Variants in CTNNA3 observed in about 807,000 individuals in gnomAD.
The protein encoded by CTNNA3 is catenin alpha-3.
In CTNNA3, 76 loss-of-function variants were observed where a neutral mutation model predicts 95.7. The ratio of observed to expected loss-of-function variants is 0.79; its 90% CI spans 0.66 to 0.96. The LOEUF is 0.96. Among genes scored for constraint, CTNNA3 ranks in the 40% least tolerant of loss-of-function variants. The pLI, the probability that CTNNA3 is intolerant of heterozygous loss-of-function variation, is 0.00. For synonymous variants in CTNNA3, 431 were observed against 374.4 expected, an observed-to-expected ratio of 1.15 and a Z score of -1.74; for missense variants, 1,191 against 1,089.8, an observed-to-expected ratio of 1.09 and a Z score of -1.31.
In CTNNA3 at chr10:66,472,248, G is replaced by A. The variant is rs562085670; in HGVS notation, c.1531+48369C>T. ...AGATTTTTTTTTTTAGGAGAGAAAA[G>A]TGTGATTTACACAGGAAGAGCCATT... On this transcript the variant is annotated intron_variant, in intron 11 of 17. Transcript: ENST00000433211. Among the ~76,000 whole-genome samples, 8 of 151,940 alleles carry A rather than the reference G, an allele frequency of 5.3e-5. No homozygotes were observed. The East Asian group carries it at 1.6e-3, about 29-fold the overall frequency.
intron 13 of CTNNA3, among the ~76,000 whole-genome samples, chr10:66,165,989 AAC>A (rs2085106723): frequency 6.6e-6 from 1 of 151,812 alleles, no homozygotes; most frequent in Non-Finnish European, 1.5e-5. Flanking sequence ...CTTGGTCTTG[AAC>A]TCCTGACCTT....
chr10:66,539,606 T>C (rs938439650), intron 10 of CTNNA3, among the ~76,000 whole-genome samples: 1 of 152,132 alleles, frequency 6.6e-6, no homozygotes, highest in African/African-American at 2.4e-5. Context: ...ATAGGGACAG[T>C]CCTTTTAGAT....
chr10:67,074,373 C>T lies in CTNNA3; in HGVS notation c.1047+105944G>A, dbSNP rs577460628. Among the ~76,000 whole-genome samples, 18 of 88,934 alleles carry T rather than the reference C, an allele frequency of 2.0e-4. No individual in the cohort carries two copies. In the Admixed American group the frequency reaches 2.1e-3, roughly 11 times the overall value. The allele number at this position is 88,934 out of a possible 152,430, so 58.3% of individuals were successfully genotyped here. On this transcript the variant is annotated intron_variant, in intron 7 of 17. Coordinates refer to ENST00000433211, the MANE Select transcript of CTNNA3 (RefSeq NM_013266.4). ...TTTTTTTTTTTTTTTTTTTTTGAGA[C>T]GGAGTCTCGCTCTGTCGCCCAGGCT... is the stretch of plus-strand genomic sequence containing the variant.
At chr10:66,587,695 C>T (rs1354117647) in intron 10 of CTNNA3, among the ~76,000 whole-genome samples, 1 of 152,186 alleles carries the variant, frequency 6.6e-6, no homozygotes, top group Non-Finnish European at 1.5e-5. Context: ...GTAAGCCCCA[C>T]TCAGCTCCCA....
chr10:66,449,154 G>A (rs1162521601), intron 11 of CTNNA3, among the ~76,000 whole-genome samples: 2 of 151,962 alleles, frequency 1.3e-5, no homozygotes, highest in African/African-American at 4.8e-5. Context: ...AAAAAATGAG[G>A]AAAAAATGCC....
At chr10:66,759,084 T>G (rs1169362111) in intron 9 of CTNNA3, among the ~76,000 whole-genome samples, 1 of 152,192 alleles carries the variant, frequency 6.6e-6, no homozygotes, top group Non-Finnish European at 1.5e-5. Context: ...TCCAACAACA[T>G]ATACATTTGA....
At chr10:66,523,725 C>A (rs1841150975) in intron 10 of CTNNA3, among the ~76,000 whole-genome samples, 1 of 151,958 alleles carries the variant, frequency 6.6e-6, no homozygotes, top group Non-Finnish European at 1.5e-5. Context: ...TGAGTTCGGG[C>A]CTTATTATAT....
In CTNNA3 at chr10:66,349,499, G is replaced by A. The variant is rs550984581; in HGVS notation, c.1732+29653C>T. Among the ~76,000 whole-genome samples the A allele has an allele frequency of 3.3e-5, 5 of 152,104 alleles. No individual in the cohort carries two copies. In the South Asian group the frequency reaches 6.2e-4, roughly 19 times the overall value. ...GCAACAATGATTAACAAATATACCT[G>A]GAAAATAAAGAGCTATCATCAGAGA... is the stretch of plus-strand genomic sequence containing the variant. On this transcript the variant is annotated intron_variant, in intron 12 of 17. Coordinates refer to ENST00000433211, the MANE Select transcript of CTNNA3 (RefSeq NM_013266.4).
chr10:66,702,726 A>AGT (rs1319084677), intron 9 of CTNNA3, among the ~76,000 whole-genome samples: 4 of 107,878 alleles, frequency 3.7e-5, no homozygotes, highest in African/African-American at 2.2e-4. Context: ...AAAAAAAAAA[A>AGT]AGAATAAGTA....
intron 12 of CTNNA3, among the ~76,000 whole-genome samples, chr10:66,375,875 G>A (rs1272041356): frequency 6.6e-6 from 1 of 152,146 alleles, no homozygotes; most frequent in East Asian, 1.9e-4. Context: ...ATTCTAAGAA[G>A]GTGGGAATTC....
At chr10:67,129,866 G>A (rs1859905084) in intron 7 of CTNNA3, among the ~76,000 whole-genome samples, 5 of 152,072 alleles carry the variant, frequency 3.3e-5, no homozygotes. Context: ...CCATGATTGT[G>A]ACAGTTAAGG....
At chr10:67,113,181 G>A (rs1228903663) in intron 7 of CTNNA3, among the ~76,000 whole-genome samples, 1 of 152,144 alleles carries the variant, frequency 6.6e-6, no homozygotes, top group Non-Finnish European at 1.5e-5. Context: ...ATTATTTAGA[G>A]AGAAGTAAAA....
intron 5 of CTNNA3, among the ~76,000 whole-genome samples, chr10:67,420,240 GAACT>G (rs1320502062): frequency 2.6e-5 from 4 of 152,014 alleles, no homozygotes; most frequent in Admixed American, 6.6e-5. Flanking sequence ...ACAAAATCAA[GAACT>G]AACAAATGGT....
intron 5 of CTNNA3, among the ~76,000 whole-genome samples, chr10:67,504,384 T>C (rs1839360628): frequency 8.9e-6 from 1 of 112,084 alleles, no homozygotes; most frequent in Non-Finnish European, 1.7e-5. Context: ...ACCACTGCAC[T>C]GAAATCGCAC....
At chr10:67,661,443 C>G (rs995035661) in intron 1 of CTNNA3, among the ~76,000 whole-genome samples, 3 of 151,992 alleles carry the variant, frequency 2.0e-5, no homozygotes, top group African/African-American at 7.3e-5. Context: ...AAGGTAGGAC[C>G]TAAAGCTATT....
At chr10:65,951,703 T>G (rs2077616983) in intron 17 of CTNNA3, among the ~76,000 whole-genome samples, 1 of 150,798 alleles carries the variant, frequency 6.6e-6, no homozygotes, top group Non-Finnish European at 1.5e-5. Context: ...AGCAATGAAG[T>G]AAAGAACATG....
intron 16 of CTNNA3, among the ~76,000 whole-genome samples, chr10:65,972,559 C>A (rs1016684334): frequency 6.6e-6 from 1 of 151,810 alleles, no homozygotes; most frequent in Non-Finnish European, 1.5e-5. Context: ...AAGTTGAGAA[C>A]CAAATCAAGA....
At chr10:67,546,610 T>A (rs1424316876) in intron 3 of CTNNA3, among the ~76,000 whole-genome samples, 1 of 152,130 alleles carries the variant, frequency 6.6e-6, no homozygotes, top group Non-Finnish European at 1.5e-5. Context: ...TAGTATGGAT[T>A]TATAACTTAA....
intron 3 of CTNNA3, among the ~76,000 whole-genome samples, chr10:67,552,784 G>A (rs1255146371): frequency 6.6e-6 from 1 of 152,006 alleles, no homozygotes; most frequent in Non-Finnish European, 1.5e-5. Flanking sequence ...TTCTGTTCCT[G>A]CATTAGTTTG....
Sources: allele counts gnomAD v4.1 joint callset (sites outside exome capture counted in the v4.1 genomes callset), GRCh38; gene constraint gnomAD v4.1.1; transcripts MANE v1.5; gene names NCBI Gene and HGNC (gene_info 2026-07-23, HGNC 2026-07-21).